GPC6: variants seen among roughly 807,000 people sequenced by gnomAD.
The protein encoded by GPC6 is glypican 6, also known as glypican-6.
GPC6 carries 14 observed loss-of-function variants against 55.2 expected under a neutral mutation model. The ratio of observed to expected loss-of-function variants is 0.25; its 90% CI spans 0.17 to 0.40. The LOEUF (loss-of-function observed/expected upper bound fraction) is 0.40. Ranked by LOEUF, GPC6 falls within the 10% of genes least tolerant of loss-of-function variation. The pLI is 1.00. For missense variants in GPC6, 641 were observed against 708.5 expected, an observed-to-expected ratio of 0.90 and a Z score of 1.08; for synonymous variants, 278 against 259.6, an observed-to-expected ratio of 1.07 and a Z score of -0.68.
At chr13:93,625,715 T>A (rs982734097) in intron 2 of GPC6, among the ~76,000 whole-genome samples, 9 of 152,304 alleles carry the variant, frequency 5.9e-5, no homozygotes, top group African/African-American at 1.9e-4. Context: ...GGAGAAAGAC[T>A]TAGAAAGGAC....
intron 4 of GPC6, among the ~76,000 whole-genome samples, chr13:94,283,419 CA>C (rs1892443943): frequency 6.6e-6 from 1 of 152,318 alleles, no homozygotes; most frequent in African/African-American, 2.4e-5. Flanking sequence ...GAAACCTGGG[CA>C]CCTGACTCCA....
At chr13:94,172,353 C>A (rs16949550) in intron 4 of GPC6, among the ~76,000 whole-genome samples, 6,611 of 152,012 alleles carry the variant, frequency 0.043, 377 homozygotes, top group African/African-American at 0.13. Flanking sequence ...ATCGAGTGAT[C>A]TTATTCAGTA....
intron 1 of GPC6, among the ~76,000 whole-genome samples, chr13:93,399,961 C>A (rs1876008529): frequency 6.6e-6 from 1 of 152,158 alleles, no homozygotes; most frequent in Non-Finnish European, 1.5e-5. Flanking sequence ...CAGAAGTAGG[C>A]AAGATACAAT....
chr13:93,650,407 T>C (rs1880357765), intron 2 of GPC6, among the ~76,000 whole-genome samples: 1 of 152,018 alleles, frequency 6.6e-6, no homozygotes, highest in African/African-American at 2.4e-5. Context: ...GCCAAAAGGA[T>C]CTCATTCTGA....
chr13:94,391,044 G>A (rs13378631), intron 7 of GPC6, among the ~76,000 whole-genome samples: 8,181 of 152,136 alleles, frequency 0.054, 684 homozygotes, highest in African/African-American at 0.19. Flanking sequence ...GAATGGGTTT[G>A]GGGAGTTCCT....
intron 3 of GPC6, among the ~76,000 whole-genome samples, chr13:93,851,973 C>G: frequency 6.6e-6 from 1 of 151,690 alleles, no homozygotes; most frequent in East Asian, 1.9e-4. Context: ...TAAGCAATAG[C>G]AGATTCCTAA....
intron 4 of GPC6, among the ~76,000 whole-genome samples, chr13:94,051,748 A>T (rs535050327): frequency 4.6e-4 from 70 of 152,280 alleles, no homozygotes; most frequent in Middle Eastern, 6.8e-3. Flanking sequence ...CACTTTCAAC[A>T]TGGCTTCAAG....
intron 4 of GPC6, among the ~76,000 whole-genome samples, chr13:94,094,464 A>G (rs1354219384): frequency 1.3e-5 from 2 of 152,256 alleles, no homozygotes; most frequent in Non-Finnish European, 2.9e-5. Context: ...AAACCTACAC[A>G]TGGTTTGCTT....
chr13:94,056,194 T>A (rs927220390), intron 4 of GPC6, among the ~76,000 whole-genome samples: 1 of 152,204 alleles, frequency 6.6e-6, no homozygotes, highest in Non-Finnish European at 1.5e-5. Context: ...TGGACACACA[T>A]GTCTTGTAAC....
intron 7 of GPC6, among the ~76,000 whole-genome samples, chr13:94,395,453 G>A (rs1456499644): frequency 1.3e-5 from 2 of 152,272 alleles, no homozygotes; most frequent in Middle Eastern, 3.4e-3. Context: ...TTGTGAAGTC[G>A]ATTTTGTTCA....
At chr13:93,931,406 A>AGAG (rs1381988302) in intron 3 of GPC6, among the ~76,000 whole-genome samples, 2 of 147,760 alleles carry the variant, frequency 1.4e-5, no homozygotes, top group East Asian at 2.0e-4. Context: ...TAGCATAGTT[A>AGAG]GAGGCCACAG....
intron 1 of GPC6, among the ~76,000 whole-genome samples, chr13:93,312,565 A>T (rs1879110169): frequency 6.6e-6 from 1 of 152,110 alleles, no homozygotes; most frequent in Non-Finnish European, 1.5e-5. Flanking sequence ...GATTGCTTTG[A>T]AAAGGCTGTA....
At chr13:93,432,310 C>G (rs558149893) in intron 1 of GPC6, among the ~76,000 whole-genome samples, 1 of 152,118 alleles carries the variant, frequency 6.6e-6, no homozygotes, top group Non-Finnish European at 1.5e-5. Context: ...CTCCGGCCAA[C>G]TCTTTGGTGA....
At chr13:93,783,184 T>C (rs113104682) in intron 2 of GPC6, among the ~76,000 whole-genome samples, 1,540 of 152,330 alleles carry the variant, frequency 0.01, 22 homozygotes, top group African/African-American at 0.036. Flanking sequence ...TATTCCATGG[T>C]GTATACACAC....
At chr13:94,206,712 G>C (rs1889912652) in intron 4 of GPC6, among the ~76,000 whole-genome samples, 1 of 151,982 alleles carries the variant, frequency 6.6e-6, no homozygotes, top group Non-Finnish European at 1.5e-5. Flanking sequence ...ATATTAGCTG[G>C]GTGTAGTGGA....
chr13:93,837,952 A>T (rs1470902257), intron 3 of GPC6, among the ~76,000 whole-genome samples: 1 of 152,206 alleles, frequency 6.6e-6, no homozygotes, highest in Non-Finnish European at 1.5e-5. Flanking sequence ...TTGAGCCATA[A>T]AGTACAAAGC....
intron 3 of GPC6, among the ~76,000 whole-genome samples, chr13:93,901,380 T>C (rs1360154358): frequency 6.6e-6 from 1 of 151,968 alleles, no homozygotes; most frequent in African/African-American, 2.4e-5. Context: ...ACCTCACTAC[T>C]TTTTTTTGTG....
intron 2 of GPC6, among the ~76,000 whole-genome samples, chr13:93,777,314 A>C (rs1367211929): frequency 6.6e-6 from 1 of 152,076 alleles, no homozygotes; most frequent in Non-Finnish European, 1.5e-5. Context: ...TGTTTTTCCT[A>C]ACTCTTGTGC....
At chr13:93,966,666 T>TTC (rs1287021616) in intron 3 of GPC6, among the ~76,000 whole-genome samples, 4 of 148,900 alleles carry the variant, frequency 2.7e-5, no homozygotes, top group African/African-American at 1.0e-4. Flanking sequence ...TTTTTTTTTT[T>TTC]TTTTGAGATG....
Sources: allele counts gnomAD v4.1 joint callset (sites outside exome capture counted in the v4.1 genomes callset), GRCh38; gene constraint gnomAD v4.1.1; transcripts MANE v1.5; gene names NCBI Gene and HGNC (gene_info 2026-07-23, HGNC 2026-07-21).